NKAIN3: variants seen among roughly 807,000 people sequenced by gnomAD.
NKAIN3 encodes the protein sodium/potassium transporting ATPase interacting 3, also known as sodium/potassium-transporting ATPase subunit beta-1-interacting protein 3.
NKAIN3 carries 25 observed loss-of-function variants against 30.2 expected under a neutral mutation model. The ratio of observed to expected loss-of-function variants is 0.83; its 90% CI spans 0.60 to 1.16. The LOEUF (loss-of-function observed/expected upper bound fraction) is 1.16. Among genes scored for constraint, NKAIN3 ranks in the 50% most tolerant of loss-of-function variants. The pLI is 0.00. For missense variants in NKAIN3, 225 were observed against 254.1 expected, an observed-to-expected ratio of 0.89 and a Z score of 0.78; for synonymous variants, 91 against 89.6, an observed-to-expected ratio of 1.02 and a Z score of -0.09.
intron 4 of NKAIN3, among the ~76,000 whole-genome samples, chr8:62,857,977 A>G (rs1820111721): frequency 6.6e-6 from 1 of 152,118 alleles, no homozygotes; most frequent in Non-Finnish European, 1.5e-5. Flanking sequence ...TTGTGGGCTT[A>G]TCTACCTTTG....
intron 3 of NKAIN3, among the ~76,000 whole-genome samples, chr8:62,727,895 T>C (rs184420453): frequency 3.4e-4 from 52 of 152,342 alleles, no homozygotes; most frequent in Non-Finnish European, 1.2e-4. Context: ...ATTTATATAC[T>C]ATAAAAAGTA....
chr8:62,756,341 G>A (rs948615072), intron 4 of NKAIN3, among the ~76,000 whole-genome samples: 2 of 152,090 alleles, frequency 1.3e-5, no homozygotes, highest in Non-Finnish European at 2.9e-5. Context: ...GGTCTTTCGT[G>A]TTTGGCTTCT....
chr8:62,947,226 C>T (rs1823151027), intron 5 of NKAIN3, among the ~76,000 whole-genome samples: 1 of 152,114 alleles, frequency 6.6e-6, no homozygotes, highest in Admixed American at 6.6e-5. Context: ...ACTAAATATT[C>T]TCAAAATCTT....
intron 4 of NKAIN3, among the ~76,000 whole-genome samples, chr8:62,815,195 C>A (rs1472011370): frequency 1.3e-5 from 2 of 151,960 alleles, no homozygotes; most frequent in Non-Finnish European, 2.9e-5. Context: ...CTGAATAGAC[C>A]AATAACAGGC....
chr8:62,316,427 C>A lies in NKAIN3; in HGVS notation c.54+67300C>A, dbSNP rs978248511. Among the ~76,000 whole-genome samples the A allele has an allele frequency of 2.8e-4, 42 of 152,006 alleles. No individual in the cohort carries two copies. The East Asian group carries it at 5.6e-3, about 20-fold the overall frequency. On this transcript the variant is annotated intron_variant, in intron 1 of 6. Transcript: ENST00000623646. ...GTATATCTCCTAATGCTATCCCCCC[C>A]CTCCTCCCACCCCACAACAGTCCCC...
intron 1 of NKAIN3, among the ~76,000 whole-genome samples, chr8:62,320,195 C>G (rs940908965): frequency 6.6e-6 from 1 of 152,130 alleles, no homozygotes; most frequent in African/African-American, 2.4e-5. Flanking sequence ...GTAGATCTTC[C>G]TCCATCCCTT....
chr8:62,787,081 A>G (rs1020461138), intron 4 of NKAIN3, among the ~76,000 whole-genome samples: 1 of 152,074 alleles, frequency 6.6e-6, no homozygotes, highest in Non-Finnish European at 1.5e-5. Context: ...AAAAGAAAAT[A>G]CTTTTCTTGA....
At chr8:62,508,898 A>G (rs932454543) in intron 1 of NKAIN3, among the ~76,000 whole-genome samples, 1 of 131,530 alleles carries the variant, frequency 7.6e-6, no homozygotes, top group Non-Finnish European at 1.6e-5. Context: ...ATCCAGATGC[A>G]CAACTCATGC....
chr8:62,628,225 G>A (rs754941455), intron 3 of NKAIN3, among the ~76,000 whole-genome samples: 8 of 152,132 alleles, frequency 5.3e-5, no homozygotes, highest in Non-Finnish European at 7.4e-5. Flanking sequence ...TGGGCCTGGA[G>A]AGGAAAGCGG....
At chr8:62,709,755 C>T (rs1814655998) in intron 3 of NKAIN3, among the ~76,000 whole-genome samples, 1 of 151,848 alleles carries the variant, frequency 6.6e-6, no homozygotes, top group African/African-American at 2.4e-5. Context: ...TTCCTTTCTT[C>T]TGCTGGGTTT....
chr8:62,704,150 T>C (rs1403342611), intron 3 of NKAIN3, among the ~76,000 whole-genome samples: 1 of 152,202 alleles, frequency 6.6e-6, no homozygotes, highest in Non-Finnish European at 1.5e-5. Flanking sequence ...CCTGGTTGAA[T>C]GTTTAATTTT....
intron 1 of NKAIN3, among the ~76,000 whole-genome samples, chr8:62,494,514 G>A (rs111349911): frequency 0.022 from 3,321 of 152,072 alleles, 122 homozygotes; most frequent in African/African-American, 0.075. Context: ...TTTTGGTTTC[G>A]GGATGATGCT....
intron 4 of NKAIN3, among the ~76,000 whole-genome samples, chr8:62,803,148 C>G (rs1387904809): frequency 6.6e-6 from 1 of 152,108 alleles, no homozygotes; most frequent in African/African-American, 2.4e-5. Context: ...GACTTAGACT[C>G]CCACACAATA....
intron 3 of NKAIN3, among the ~76,000 whole-genome samples, chr8:62,596,927 C>A (rs1022047777): frequency 6.6e-6 from 1 of 152,052 alleles, no homozygotes; most frequent in African/African-American, 2.4e-5. Flanking sequence ...AGTAATGGAG[C>A]CTGATATTTA....
At chr8:62,745,335 G>A (rs1816035357) in intron 3 of NKAIN3, among the ~76,000 whole-genome samples, 1 of 152,210 alleles carries the variant, frequency 6.6e-6, no homozygotes, top group South Asian at 2.1e-4. Context: ...TACGGACCCT[G>A]CTCCAACATG....
chr8:62,420,339 T>C (rs898465937), intron 1 of NKAIN3, among the ~76,000 whole-genome samples: 5 of 152,216 alleles, frequency 3.3e-5, no homozygotes, highest in Non-Finnish European at 7.3e-5. Context: ...GCAGATCTGA[T>C]TGTACTCAAC....
intron 1 of NKAIN3, among the ~76,000 whole-genome samples, chr8:62,351,211 T>C (rs1816169078): frequency 6.7e-6 from 1 of 149,936 alleles, no homozygotes; most frequent in Admixed American, 6.6e-5. Flanking sequence ...TCTACAGATA[T>C]CAAAATCCGA....
At chr8:62,375,258 G>A (rs1817037759) in intron 1 of NKAIN3, among the ~76,000 whole-genome samples, 1 of 152,112 alleles carries the variant, frequency 6.6e-6, no homozygotes, top group African/African-American at 2.4e-5. Context: ...TTCACATAGT[G>A]TGAAGATCAA....
At chr8:62,274,391 A>G (rs1020530317) in intron 1 of NKAIN3, among the ~76,000 whole-genome samples, 1 of 152,090 alleles carries the variant, frequency 6.6e-6, no homozygotes, top group Non-Finnish European at 1.5e-5. Flanking sequence ...GATTCCTGTG[A>G]ACCAGCTGTG....
Sources: gnomAD v4.1 joint callset for allele counts (sites outside exome capture counted in the v4.1 genomes callset) on GRCh38, gnomAD v4.1.1 for gene constraint, MANE v1.5 for transcripts, NCBI Gene and HGNC (gene_info 2026-07-23, HGNC 2026-07-21) for gene names.